Variants in STK32B observed in about 807,000 individuals in gnomAD.
STK32B encodes serine/threonine-protein kinase 32B.
Under a neutral mutation model 52.6 loss-of-function variants are expected in STK32B, and 43 were observed. The observed-to-expected ratio is 0.82, with a 90% CI of 0.64 to 1.05. The LOEUF is 1.05. Ranked by LOEUF, STK32B falls within the 50% of genes least tolerant of loss-of-function variation. The pLI, the probability that STK32B is intolerant of heterozygous loss-of-function variation, is 0.00. For synonymous variants in STK32B, 238 were observed against 204.3 expected, an observed-to-expected ratio of 1.17 and a Z score of -1.41; for missense variants, 621 against 534.6, an observed-to-expected ratio of 1.16 and a Z score of -1.59.
chr4:5,257,332 T>C (rs1726389431), intron 3 of STK32B, among the ~76,000 whole-genome samples: 1 of 152,124 alleles, frequency 6.6e-6, no homozygotes, highest in South Asian at 2.1e-4. Flanking sequence ...AGCAAGTGAA[T>C]GAGTGAGCAA....
At chr4:5,215,215 G>A (rs1723115158) in intron 3 of STK32B, among the ~76,000 whole-genome samples, 1 of 152,120 alleles carries the variant, frequency 6.6e-6, no homozygotes, top group African/African-American at 2.4e-5. Context: ...GTTTTAACTG[G>A]GTTCTAAGTC....
At chr4:5,119,484 G>T (rs1714911838) in intron 1 of STK32B, among the ~76,000 whole-genome samples, 1 of 152,202 alleles carries the variant, frequency 6.6e-6, no homozygotes, top group South Asian at 2.1e-4. Flanking sequence ...TGGGAGCTGT[G>T]CTTGACAGTG....
chr4:5,484,622 C>A (rs1355678955), intron 11 of STK32B, among the ~76,000 whole-genome samples: 3 of 152,112 alleles, frequency 2.0e-5, no homozygotes, highest in African/African-American at 7.2e-5. Flanking sequence ...TGAATTTGAT[C>A]CTGTCATTAT....
chr4:5,053,553 T>A (rs1324896970), intron 1 of STK32B, among the ~76,000 whole-genome samples: 1 of 152,224 alleles, frequency 6.6e-6, no homozygotes, highest in African/African-American at 2.4e-5. Context: ...CTGTCATTTA[T>A]CCCCAGCTTG....
In STK32B at chr4:5,500,052, TAGAA is replaced by T. The variant is rs1485771707; in HGVS notation, c.*972_*975del. The T allele has an allele frequency of 6.6e-6, 1 of 152,204 alleles. No homozygotes were observed. Among genetic ancestry groups the T allele is most frequent in the Non-Finnish European group, 1.5e-5 (1 of 68,036 alleles). The allele number at this position is 152,204 out of a possible 1,614,324, so 9.4% of individuals were successfully genotyped here. On this transcript the variant is annotated 3_prime_UTR_variant, in exon 12 of 12. Coordinates refer to ENST00000282908, the MANE Select transcript of STK32B (RefSeq NM_018401.3). ...TTATACAATAGGAAGCATGGGTGCTTAGAAAGTTTATTTCAGGAGGAAAATGGGT... is the reference window on the plus strand; with the variant it reads ...TTATACAATAGGAAGCATGGGTGCTTAGTTTATTTCAGGAGGAAAATGGGT...
At chr4:5,315,512 T>C (rs933211501) in intron 3 of STK32B, among the ~76,000 whole-genome samples, 1 of 152,032 alleles carries the variant, frequency 6.6e-6, no homozygotes, top group Non-Finnish European at 1.5e-5. Context: ...TATGTATGTT[T>C]ATCTGTTTTA....
chr4:5,223,020 C>G (rs934062691), intron 3 of STK32B, among the ~76,000 whole-genome samples: 1 of 152,186 alleles, frequency 6.6e-6, no homozygotes, highest in African/African-American at 2.4e-5. Flanking sequence ...TCCCAAGGCC[C>G]ATGTGGGGTC....
chr4:5,261,209 T>C (rs1726691031), intron 3 of STK32B, among the ~76,000 whole-genome samples: 1 of 152,140 alleles, frequency 6.6e-6, no homozygotes, highest in South Asian at 2.1e-4. Flanking sequence ...AGGTGGCTGC[T>C]CATTAAGGCT....
Position 5,068,775 on chromosome 4 carries a change from C to T in STK32B, c.52+16860C>T, listed in dbSNP as rs1327518347. On this transcript the variant is annotated intron_variant, in intron 1 of 11. Coordinates refer to ENST00000282908, the MANE Select transcript of STK32B (RefSeq NM_018401.3). Reference sequence around the variant, plus strand: ...TTTATATTTCTGCTTTAAATTGGAGCCAGATTGTGACTACTATAAATAGAA... The same window carrying T: ...TTTATATTTCTGCTTTAAATTGGAGTCAGATTGTGACTACTATAAATAGAA... 2.6e-5 allele frequency among the ~76,000 whole-genome samples: 4 copies of T among 151,896 alleles called. No individual in the cohort carries two copies. The East Asian group carries it at 7.7e-4, about 29-fold the overall frequency.
chr4:5,243,829 G>C (rs1047618376), intron 3 of STK32B, among the ~76,000 whole-genome samples: 8 of 152,092 alleles, frequency 5.3e-5, no homozygotes, highest in African/African-American at 1.9e-4. Flanking sequence ...TGCATCTATT[G>C]AGATAATCAT....
rs189179139 is a variant in STK32B, at chr4:5,185,058, A to G, written c.260+16608A>G. On this transcript the variant is annotated intron_variant, in intron 3 of 11. Transcript: ENST00000282908. ...TTCTCCTCCAGCGTCAGACGTGAGGACACGGCCTTTTGGAAAATGTGTCTT... is the reference window on the plus strand; with the variant it reads ...TTCTCCTCCAGCGTCAGACGTGAGGGCACGGCCTTTTGGAAAATGTGTCTT... Among the ~76,000 whole-genome samples, 3 of 152,348 alleles carry G rather than the reference A, an allele frequency of 2.0e-5. No individual in the cohort carries two copies. In the East Asian group the frequency reaches 5.8e-4, roughly 29 times the overall value.
At chr4:5,169,671 C>T (rs142511418) in intron 3 of STK32B, among the ~76,000 whole-genome samples, 47 of 152,178 alleles carry the variant, frequency 3.1e-4, no homozygotes, top group Non-Finnish European at 6.0e-4. Context: ...CTTCGTGTCT[C>T]TGTGCAGTGA....
chr4:5,060,940 T>C (rs950114904), intron 1 of STK32B, among the ~76,000 whole-genome samples: 1 of 152,198 alleles, frequency 6.6e-6, no homozygotes, highest in Admixed American at 6.5e-5. Context: ...TTTAAGAGTT[T>C]ATATTCCCTT....
chr4:5,266,862 A>C (rs1727087759), intron 3 of STK32B, among the ~76,000 whole-genome samples: 6 of 152,108 alleles, frequency 3.9e-5, no homozygotes, highest in Admixed American at 3.9e-4. Flanking sequence ...TGCCTGGTCA[A>C]CTCCAACATC....
intron 11 of STK32B, among the ~76,000 whole-genome samples, chr4:5,476,813 T>G (rs1341312274): frequency 7.0e-6 from 1 of 143,408 alleles, no homozygotes. Context: ...TAGATTAGGG[T>G]AGGCACTAAA....
At chr4:5,319,220 C>T (rs769863873) in intron 3 of STK32B, among the ~76,000 whole-genome samples, 7 of 152,156 alleles carry the variant, frequency 4.6e-5, no homozygotes, top group African/African-American at 7.2e-5. Flanking sequence ...ACAATAATTC[C>T]TGTATGACTA....
At chr4:5,299,348 G>T (rs58005209) in intron 3 of STK32B, among the ~76,000 whole-genome samples, 10,937 of 152,102 alleles carry the variant, frequency 0.072, 423 homozygotes, top group South Asian at 0.099. Flanking sequence ...CTCTTCATGG[G>T]CCCAGGGCCA....
intron 1 of STK32B, among the ~76,000 whole-genome samples, chr4:5,090,368 A>G (rs901628736): frequency 1.1e-5 from 1 of 92,266 alleles, no homozygotes; most frequent in African/African-American, 4.2e-5. Flanking sequence ...TCTTTAATCC[A>G]TCTTTTTTTT....
rs537332881 is a variant in STK32B at position 5,170,335 on chromosome 4, T to G, written c.260+1885T>G. Among the ~76,000 whole-genome samples the G allele has an allele frequency of 2.2e-4, 34 of 152,230 alleles. 2 individuals are homozygous for G. In the South Asian group the frequency reaches 6.6e-3, roughly 30 times the overall value. On this transcript the variant is annotated intron_variant, in intron 3 of 11. Transcript: ENST00000282908. ...TTTATTTTTATTATTATACTTTAAG[T>G]TTTAGGGTACATGTGCACAACGTGC...
Sources: gnomAD v4.1 joint callset for allele counts (sites outside exome capture counted in the v4.1 genomes callset) on GRCh38, gnomAD v4.1.1 for gene constraint, MANE v1.5 for transcripts, NCBI Gene and HGNC (gene_info 2026-07-23, HGNC 2026-07-21) for gene names.